The following RAB33B variants were observed in gnomAD, a reference collection of about 807,000 sequenced individuals.
The protein encoded by RAB33B is RAB33B, member RAS oncogene family.
Under a neutral mutation model 15.0 loss-of-function variants are expected in RAB33B, and 6 were observed. The ratio of observed to expected loss-of-function variants is 0.40; its 90% CI spans 0.22 to 0.79. The LOEUF (loss-of-function observed/expected upper bound fraction) is 0.79, where lower values mean the gene tolerates loss of function less well. Among genes scored for constraint, RAB33B ranks in the 30% least tolerant of loss-of-function variants. RAB33B has a pLI of 0.37. For synonymous variants in RAB33B, 117 were observed against 108.3 expected (o/e 1.08, Z -0.50); for missense variants, 257 against 296.4 (o/e 0.87, Z 0.98).
chr4:139,445,390 G>A, the RAB33B span, among the ~76,000 whole-genome samples: 2 of 152,208 alleles, frequency 1.3e-5, no homozygotes, highest in South Asian at 2.1e-4. Context: ...TATGCTGATC[G>A]GATCCAGTGA....
chr4:139,465,395 T>C (rs1196621057), intron 1 of RAB33B, among the ~76,000 whole-genome samples: 1 of 152,258 alleles, frequency 6.6e-6, no homozygotes, highest in Non-Finnish European at 1.5e-5. Flanking sequence ...TTAGTTTAAT[T>C]AGATTCCATT....
In RAB33B at chr4:139,472,821, A is replaced by G; in HGVS notation, c.385A>G (p.Ile129Val). Residue 129 changes from isoleucine to valine, a missense_variant, in exon 2 of 2, where the codon ATA (isoleucine) becomes GTA (valine). Coordinates refer to ENST00000305626, the MANE Select transcript of RAB33B (RefSeq NM_031296.3). ...MASFHSLPSW[I>V]EECKQHLLAN... ...TAGTTTTCATAGCCTACCATCTTGGATAGAAGAATGCAAACAACATTTGCT... is the reference window on the plus strand; with the variant it reads ...TAGTTTTCATAGCCTACCATCTTGGGTAGAAGAATGCAAACAACATTTGCT... 2 of 1,614,202 alleles carry G rather than the reference A, an allele frequency of 1.2e-6. No individual in the cohort carries two copies. Among genetic ancestry groups the G allele is most frequent in the Non-Finnish European group, 1.7e-6 (2 of 1,180,028 alleles).
chr4:139,458,235 A>G (rs1011866636), intron 1 of RAB33B, among the ~76,000 whole-genome samples: 1 of 151,912 alleles, frequency 6.6e-6, no homozygotes, highest in Non-Finnish European at 1.5e-5. Flanking sequence ...ACAGAGCACT[A>G]TGATCGAGCC....
intron 1 of RAB33B, among the ~76,000 whole-genome samples, chr4:139,463,959 A>G (rs1379369415): frequency 6.6e-6 from 1 of 152,146 alleles, no homozygotes; most frequent in Non-Finnish European, 1.5e-5. Context: ...AGTTACGTTT[A>G]TGGCTCTACA....
chr4:139,463,858 A>G (rs1312544034), intron 1 of RAB33B, among the ~76,000 whole-genome samples: 1 of 152,248 alleles, frequency 6.6e-6, no homozygotes, highest in East Asian at 1.9e-4. Context: ...AGCAGGCAGC[A>G]GTAGCCCTAA....
At chr4:139,463,242 G>A (rs566913711) in intron 1 of RAB33B, among the ~76,000 whole-genome samples, 19 of 152,296 alleles carry the variant, frequency 1.2e-4, no homozygotes, top group African/African-American at 4.1e-4. Flanking sequence ...TCAGCTAACC[G>A]CAACCTCTGC....
intron 1 of RAB33B, among the ~76,000 whole-genome samples, chr4:139,471,017 G>T (rs1750378594): frequency 6.6e-6 from 1 of 152,168 alleles, no homozygotes; most frequent in Non-Finnish European, 1.5e-5. Context: ...GTTAGGGGAG[G>T]GGTGATGGCA....
chr4:139,456,976 C>T (rs959490308), intron 1 of RAB33B, among the ~76,000 whole-genome samples: 3 of 152,140 alleles, frequency 2.0e-5, no homozygotes, highest in Admixed American at 6.5e-5. Flanking sequence ...GTAGCCTGAT[C>T]TAAAATGACA....
At chr4:139,448,739 T>C (rs1002622133), upstream of RAB33B, 5 of 150,886 alleles carry the variant, frequency 3.3e-5, no homozygotes, top group African/African-American at 1.2e-4. Flanking sequence ...TTTGTGAAAA[T>C]ATGTGTTCTG....
chr4:139,438,445 C>T, the RAB33B span, among the ~76,000 whole-genome samples: 2 of 152,176 alleles, frequency 1.3e-5, no homozygotes, highest in South Asian at 2.1e-4. Flanking sequence ...TGACTTCCCC[C>T]GCCCCTTCCA....
intron 1 of RAB33B, among the ~76,000 whole-genome samples, chr4:139,465,722 C>CTTTTTTTTTT (rs375295002): frequency 9.0e-5 from 12 of 133,222 alleles, no homozygotes; most frequent in Admixed American, 1.5e-4. Flanking sequence ...TCTTCTTCTT[C>CTTTTTTTTTT]TTTTTTTTTT....
At chr4:139,471,540 T>C (rs1469748284) in intron 1 of RAB33B, among the ~76,000 whole-genome samples, 1 of 151,360 alleles carries the variant, frequency 6.6e-6, no homozygotes, top group African/African-American at 2.4e-5. Flanking sequence ...TTTTTTTTTT[T>C]CCTGTGTAGT....
chr4:139,459,227 G>A (rs1750124195), intron 1 of RAB33B, among the ~76,000 whole-genome samples: 2 of 151,588 alleles, frequency 1.3e-5, no homozygotes, highest in South Asian at 2.1e-4. Flanking sequence ...TTGAGCCCAG[G>A]AATTCAAGAC....
At chr4:139,442,550 C>G in the RAB33B span, among the ~76,000 whole-genome samples, 2 of 152,150 alleles carry the variant, frequency 1.3e-5, no homozygotes, top group Admixed American at 1.3e-4. Context: ...ACCATCTAAT[C>G]AGCTGCCAGC....
the RAB33B span, among the ~76,000 whole-genome samples, chr4:139,446,173 A>G: frequency 6.6e-6 from 1 of 151,892 alleles, no homozygotes; most frequent in East Asian, 1.9e-4. Context: ...CACGGTCTCC[A>G]CTCCTGCCAC....
intron 1 of RAB33B, among the ~76,000 whole-genome samples, chr4:139,467,872 A>G (rs1750319436): frequency 6.6e-6 from 1 of 150,408 alleles, no homozygotes; most frequent in African/African-American, 2.4e-5. Flanking sequence ...AAAAAAAGCC[A>G]ATTACATTAT....
the RAB33B span, among the ~76,000 whole-genome samples, chr4:139,444,107 A>G: frequency 6.6e-6 from 1 of 152,174 alleles, no homozygotes; most frequent in African/African-American, 2.4e-5. Context: ...ATGGATATTA[A>G]GGGTGTGGGA....
At chr4:139,438,584 G>A in the RAB33B span, among the ~76,000 whole-genome samples, 5 of 149,666 alleles carry the variant, frequency 3.3e-5, no homozygotes, top group African/African-American at 7.7e-5. Flanking sequence ...CTGCCAACCC[G>A]GAATCATCTG....
chr4:139,447,162 A>G, the RAB33B span, among the ~76,000 whole-genome samples: 4 of 152,160 alleles, frequency 2.6e-5, no homozygotes, highest in Admixed American at 2.6e-4. Context: ...TGCTCATGGA[A>G]TTCACTGGTC....
Sources: allele counts gnomAD v4.1 joint callset (sites outside exome capture counted in the v4.1 genomes callset), GRCh38; gene constraint gnomAD v4.1.1; transcripts MANE v1.5; gene names NCBI Gene and HGNC (gene_info 2026-07-23, HGNC 2026-07-21).